The following FUT8 variants were observed in gnomAD, a reference collection of about 807,000 sequenced individuals.
The protein encoded by FUT8 is fucosyltransferase 8.
In FUT8, 29 loss-of-function variants were observed where a neutral mutation model predicts 71.3. The observed-to-expected ratio is 0.41, with a 90% confidence interval of 0.30 to 0.55. The LOEUF (loss-of-function observed/expected upper bound fraction) is 0.55, where lower values mean the gene tolerates loss of function less well. Among genes scored for constraint, FUT8 ranks in the 20% least tolerant of loss-of-function variants. FUT8 has a pLI of 0.34. For synonymous variants in FUT8, 254 were observed against 239.3 expected, an observed-to-expected ratio of 1.06 and a Z score of -0.57; for missense variants, 544 against 702.1, an observed-to-expected ratio of 0.77 and a Z score of 2.55.
At chr14:65,723,265 G>C (rs1297083269) in intron 8 of FUT8, among the ~76,000 whole-genome samples, 1 of 151,844 alleles carries the variant, frequency 6.6e-6, no homozygotes, top group Admixed American at 6.6e-5. Flanking sequence ...GCAGAGATTG[G>C]AGTGAACCAT....
At chr14:65,423,300 C>T (rs181151387) in intron 1 of FUT8, among the ~76,000 whole-genome samples, 41 of 138,362 alleles carry the variant, frequency 3.0e-4, no homozygotes, top group African/African-American at 3.6e-4. Context: ...CTGGCTCTGT[C>T]GGCCAGGCTG....
At chr14:65,542,927 C>T (rs1264434059) in intron 2 of FUT8, among the ~76,000 whole-genome samples, 4 of 152,138 alleles carry the variant, frequency 2.6e-5, no homozygotes, top group African/African-American at 9.7e-5. Context: ...GGGTTACAGG[C>T]ATGCGCCACC....
intron 2 of FUT8, among the ~76,000 whole-genome samples, chr14:65,554,395 GT>G (rs1885462615): frequency 7.0e-6 from 1 of 142,896 alleles, no homozygotes; most frequent in Non-Finnish European, 1.5e-5. Flanking sequence ...TTTGACTATG[GT>G]TTGGGTTTTT....
intron 7 of FUT8, among the ~76,000 whole-genome samples, chr14:65,679,408 A>G (rs915096282): frequency 6.6e-6 from 1 of 152,210 alleles, no homozygotes; most frequent in Non-Finnish European, 1.5e-5. Flanking sequence ...AGAATATGTT[A>G]TCTACATTTT....
intron 2 of FUT8, among the ~76,000 whole-genome samples, chr14:65,552,226 CT>C (rs140647548): frequency 3.9e-5 from 6 of 151,994 alleles, no homozygotes; most frequent in Admixed American, 3.3e-4. Flanking sequence ...TAAGAAGAGG[CT>C]TTTTTTCTTT....
rs550831057 is a variant in FUT8, at chr14:65,425,056, A to C, written c.-326+11842A>C. Among the ~76,000 whole-genome samples the C allele has an allele frequency of 7.2e-5, 11 of 152,314 alleles. No individual in the cohort carries two copies. In the East Asian group the frequency reaches 1.3e-3, roughly 19 times the overall value. ...CAAATTTATCAACATATTTATTGAA[A>C]AACATTAGCATATGAGTGGACCCTC... On this transcript the variant is annotated intron_variant, in intron 1 of 10. Transcript: ENST00000673929.
chr14:65,517,066 A>T (rs950894888), intron 2 of FUT8, among the ~76,000 whole-genome samples: 4 of 151,892 alleles, frequency 2.6e-5, no homozygotes, highest in African/African-American at 9.7e-5. Context: ...TTTCACGATG[A>T]TTAATATTCC....
chr14:65,686,373 A>C (rs555485200), intron 7 of FUT8, among the ~76,000 whole-genome samples: 2 of 152,298 alleles, frequency 1.3e-5, no homozygotes, highest in South Asian at 4.1e-4. Context: ...CTTGTTCTTG[A>C]ATCGATTCTT....
chr14:65,388,435 T>A, the FUT8 span, among the ~76,000 whole-genome samples: 1 of 152,212 alleles, frequency 6.6e-6, no homozygotes, highest in African/African-American at 2.4e-5. Flanking sequence ...GGAAAACTAA[T>A]TGAAAAAGCT....
the FUT8 span, among the ~76,000 whole-genome samples, chr14:65,370,369 G>A: frequency 2.6e-5 from 4 of 151,532 alleles, no homozygotes; most frequent in Non-Finnish European, 5.9e-5. Context: ...CACCAGGCCC[G>A]GCTAATTTTT....
chr14:65,365,957 C>T, the FUT8 span, among the ~76,000 whole-genome samples: 1 of 152,242 alleles, frequency 6.6e-6, no homozygotes, highest in South Asian at 2.1e-4. Context: ...CCTGCCTCAG[C>T]CTCCTGAGTA....
intron 3 of FUT8, among the ~76,000 whole-genome samples, chr14:65,580,331 T>C (rs1254459663): frequency 1.3e-5 from 2 of 151,578 alleles, no homozygotes; most frequent in Non-Finnish European, 2.9e-5. Context: ...TGTAAACATA[T>C]CTAAACATAG....
At chr14:65,450,793 G>A (rs2065810074) in intron 1 of FUT8, among the ~76,000 whole-genome samples, 1 of 151,780 alleles carries the variant, frequency 6.6e-6, no homozygotes, top group Non-Finnish European at 1.5e-5. Flanking sequence ...TAATGAAGCA[G>A]GATATTTCCC....
chr14:65,567,967 T>C (rs1282215924), intron 3 of FUT8, among the ~76,000 whole-genome samples: 1 of 151,906 alleles, frequency 6.6e-6, no homozygotes, highest in Non-Finnish European at 1.5e-5. Context: ...AAAGTTGATA[T>C]TCATTTTCTT....
At chr14:65,364,554 T>C in the FUT8 span, among the ~76,000 whole-genome samples, 3 of 152,204 alleles carry the variant, frequency 2.0e-5, no homozygotes, top group Non-Finnish European at 4.4e-5. Context: ...CTTATCGTTC[T>C]CAGCATTCTT....
intron 6 of FUT8, among the ~76,000 whole-genome samples, chr14:65,664,972 A>AG (rs953281659): frequency 1.8e-4 from 7 of 38,414 alleles, no homozygotes; most frequent in Non-Finnish European, 6.5e-4. Context: ...TTTAGAATGG[A>AG]AAAAAAAAAG....
chr14:65,670,872 C>A (rs1422207940), intron 7 of FUT8, among the ~76,000 whole-genome samples: 1 of 152,046 alleles, frequency 6.6e-6, no homozygotes, highest in East Asian at 1.9e-4. Flanking sequence ...GTTTTAGAAG[C>A]CTTATTTTAT....
At chr14:65,542,885 C>T (rs543968334) in intron 2 of FUT8, among the ~76,000 whole-genome samples, 4 of 152,176 alleles carry the variant, frequency 2.6e-5, no homozygotes, top group South Asian at 4.2e-4. Flanking sequence ...TGGGTTCAAG[C>T]GATTATCCAG....
rs1395895450 is a variant in FUT8 at position 65,652,510 on chromosome 14, TGA to T, written c.598-16731_598-16730del. Among the ~76,000 whole-genome samples, 3 of 152,228 alleles carry T rather than the reference TGA, an allele frequency of 2.0e-5. No homozygotes were observed. The highest frequency in any genetic ancestry group is 4.4e-5 in the Non-Finnish European group (3 of 68,040). ...AGCTGTTACAACCATCTTGTGACCATGAGGCATTCAGATAAAAAGCTAACATT... is the reference window on the plus strand; with the variant it reads ...AGCTGTTACAACCATCTTGTGACCATGGCATTCAGATAAAAAGCTAACATT... On this transcript the variant is annotated intron_variant, in intron 6 of 10. Transcript: ENST00000673929. The surrounding 1 kb of genome is among the most constrained non-coding windows in gnomAD (Gnocchi z 4.0).
Sources: gnomAD v4.1 joint callset for allele counts (sites outside exome capture counted in the v4.1 genomes callset) on GRCh38, gnomAD v4.1.1 for gene constraint, Gnocchi (gnomAD v3.1) non-coding constraint, MANE v1.5 for transcripts, NCBI Gene and HGNC (gene_info 2026-07-23, HGNC 2026-07-21) for gene names.